Variants in DENND2B observed in about 807,000 individuals in gnomAD.
DENND2B encodes the protein DENN domain containing 2B.
In DENND2B, 32 loss-of-function variants were observed where a neutral mutation model predicts 116.0. That is an observed-to-expected ratio of 0.28 (90% CI 0.21 to 0.37). The LOEUF (loss-of-function observed/expected upper bound fraction) is 0.37. Ranked by LOEUF, DENND2B falls within the 10% of genes least tolerant of loss-of-function variation. The probability of loss-of-function intolerance (pLI) is 1.00; values close to 1 mark genes in which losing one functional copy is unlikely to be tolerated. For synonymous variants in DENND2B, 588 were observed against 583.9 expected (o/e 1.01, Z -0.10); for missense variants, 1,276 against 1,477.7 (o/e 0.86, Z 2.24).
chr11:8,750,755 G>C, intron 1 of DENND2B, 30 bp from the exon 2 acceptor site: 1 of 1,607,198 alleles, frequency 6.2e-7, no homozygotes, highest in Non-Finnish European at 8.5e-7. Context: ...GGTAAGCCAA[G>C]TTTCTATAGG....
At chr11:8,831,015 G>T (rs968899012) in intron 4 of DENND2B, 3 of 152,266 alleles carry the variant, frequency 2.0e-5, no homozygotes, top group African/African-American at 7.2e-5. Flanking sequence ...CTGTTCTCAA[G>T]CCCCCAAAGA....
In DENND2B at chr11:8,888,725, CA is replaced by C. The variant is rs1256867805; in HGVS notation, c.-255-7617del. Among the ~76,000 whole-genome samples the C allele has an allele frequency of 1.8e-4, 28 of 152,070 alleles. No individual in the cohort carries two copies. The East Asian group carries it at 5.0e-3, about 27-fold the overall frequency. On this transcript the variant is annotated intron_variant, in intron 1 of 22. Transcript: ENST00000534127. ...GTAGAGAACTCCTAAAACTCGACAA[CA>C]AAAAACAACATAATTCGAAAATGGG... is the stretch of plus-strand genomic sequence containing the variant.
chr11:8,827,122 G>C (rs2062008952), intron 4 of DENND2B, among the ~76,000 whole-genome samples: 2 of 152,220 alleles, frequency 1.3e-5, no homozygotes, highest in South Asian at 4.1e-4. Context: ...TTAGCCTTTT[G>C]AATTTGCAGG....
Position 8,712,020 on chromosome 11 carries a change from C to T in DENND2B, c.2172+531G>A. ...AAGGAGCCAGCAGCCACGTGAAGAG[C>T]TGGAGAAAGCACATTCCTGGCAGAG... On this transcript the variant is annotated intron_variant, in intron 9 of 19. Transcript: ENST00000313726. The surrounding 1 kb of genome is among the most constrained non-coding windows in gnomAD (Gnocchi z 4.4). 2.2e-6 allele frequency: 1 copy of T among 455,562 alleles called. No homozygotes were observed. The highest frequency in any genetic ancestry group is 1.6e-5 in the South Asian group (1 of 64,496). 28.2% of individuals were successfully genotyped at this position (455,562 alleles called of 1,614,324 possible). A position where few individuals can be genotyped will look rare whatever the true frequency, so the allele number is the denominator to read the frequency against.
At chr11:8,908,519 G>T (rs1182015882) in intron 1 of DENND2B, among the ~76,000 whole-genome samples, 1 of 152,190 alleles carries the variant, frequency 6.6e-6, no homozygotes, top group Non-Finnish European at 1.5e-5. Flanking sequence ...ATAACCCTAT[G>T]AGGAATGTGC....
At position 8,711,229 on chromosome 11, in the gene DENND2B, C is replaced by G. The variant is rs2043607374; in HGVS notation, c.2175G>C (p.Leu725=). The change falls in exon 10 of 20, where the codon CTG becomes CTC. Residue 725 remains leucine, a splice_region_variant and synonymous_variant. Transcript: ENST00000313726. Reference sequence around the variant, plus strand: ...CTCGCATCTGCTTGGTGGGTCGGTCCAGCTGCAGGGAAGAAGGAACCAGGA... The same window carrying G: ...CTCGCATCTGCTTGGTGGGTCGGTCGAGCTGCAGGGAAGAAGGAACCAGGA... ...LPEVSYQFPK[L]DRPTKQMREA... 6.2e-7 allele frequency: 1 copy of G among 1,613,522 alleles called. No homozygotes were observed. The highest frequency in any genetic ancestry group is 1.1e-5 in the South Asian group (1 of 91,082).
Position 8,743,194 on chromosome 11 carries a change from T to G in DENND2B, c.80+7427A>C, listed in dbSNP as rs980602385. Among the ~76,000 whole-genome samples the G allele has an allele frequency of 2.6e-5, 4 of 152,182 alleles. No individual in the cohort carries two copies. The East Asian group carries it at 5.8e-4, about 22-fold the overall frequency. On this transcript the variant is annotated intron_variant, in intron 2 of 19. Transcript: ENST00000313726. ...AATTATATAATTTATTGTACTTTAATTGTCCCTCAATAAATCTGTTTAAAA... is the reference window on the plus strand; with the variant it reads ...AATTATATAATTTATTGTACTTTAAGTGTCCCTCAATAAATCTGTTTAAAA...
At chr11:8,901,982 G>A (rs994239288) in intron 1 of DENND2B, among the ~76,000 whole-genome samples, 4 of 152,100 alleles carry the variant, frequency 2.6e-5, no homozygotes, top group Admixed American at 6.6e-5. Context: ...TGACAGTATC[G>A]TTTAGCCTTC....
intron 3 of DENND2B, 60 bp from the exon 4 acceptor site, chr11:8,726,269 G>C: frequency 6.4e-7 from 1 of 1,550,964 alleles, no homozygotes; most frequent in Middle Eastern, 1.8e-4. Context: ...GCCTTGCTGG[G>C]GAATGTCCAT....
At chr11:8,699,955 A>T (rs2041215703) in intron 14 of DENND2B, 1 of 456,222 alleles carries the variant, frequency 2.2e-6, no homozygotes, top group African/African-American at 2.0e-5. Flanking sequence ...GGCCAGGCCA[A>T]GAACAAGACC....
At chr11:8,866,061 G>A (rs1019483730) in intron 2 of DENND2B, among the ~76,000 whole-genome samples, 3 of 152,094 alleles carry the variant, frequency 2.0e-5, no homozygotes, top group South Asian at 2.1e-4. Context: ...CCGGGTTCAC[G>A]CCATTCTCCT....
At chr11:8,754,029 G>GCGCACACACGCACACACACACA (rs146486674) in intron 1 of DENND2B, among the ~76,000 whole-genome samples, 2 of 138,734 alleles carry the variant, frequency 1.4e-5, no homozygotes, top group African/African-American at 2.7e-5. Context: ...CCAAAAGCGC[G>GCGCACACACGCACACACACACA]CACACACACA....
intron 4 of DENND2B, chr11:8,718,470 T>C: frequency 6.7e-7 from 1 of 1,494,316 alleles, no homozygotes; most frequent in Non-Finnish European, 8.9e-7. Context: ...GGGTTTTGTG[T>C]TGTTCACTGA....
At chr11:8,888,820 T>C (rs2063991451) in intron 1 of DENND2B, among the ~76,000 whole-genome samples, 2 of 152,124 alleles carry the variant, frequency 1.3e-5, no homozygotes, top group South Asian at 4.1e-4. Context: ...GAAAAGATGC[T>C]CAACATCACT....
At chr11:8,872,120 C>G (rs919852532), upstream of DENND2B, among the ~76,000 whole-genome samples, 1 of 152,302 alleles carries the variant, frequency 6.6e-6, no homozygotes, top group African/African-American at 2.4e-5. Flanking sequence ...AAAATCCAAG[C>G]CAGTTCAATT....
intron 1 of DENND2B, among the ~76,000 whole-genome samples, chr11:8,753,332 AAAT>A (rs1383621362): frequency 1.3e-5 from 2 of 152,248 alleles, no homozygotes; most frequent in African/African-American, 4.8e-5. Flanking sequence ...ATAGCAGCAA[AAAT>A]AATAAATCAC....
chr11:8,895,546 A>T (rs2064090872), intron 1 of DENND2B: 1 of 152,178 alleles, frequency 6.6e-6, no homozygotes, highest in Admixed American at 6.6e-5. Context: ...TAGTCAAAAT[A>T]ATAGAGACAG....
chr11:8,774,591 A>G (rs1258871142), intron 1 of DENND2B, among the ~76,000 whole-genome samples: 1 of 151,532 alleles, frequency 6.6e-6, no homozygotes, highest in Non-Finnish European at 1.5e-5. Flanking sequence ...CACCACCCCA[A>G]CTCCTGGCTG....
intron 1 of DENND2B, among the ~76,000 whole-genome samples, chr11:8,772,978 C>T (rs2057151904): frequency 6.6e-6 from 1 of 152,228 alleles, no homozygotes; most frequent in Non-Finnish European, 1.5e-5. Flanking sequence ...TCCCTCTTCT[C>T]ATTTCTGCCC....
Sources: allele counts gnomAD v4.1 joint callset (sites outside exome capture counted in the v4.1 genomes callset), GRCh38; gene constraint gnomAD v4.1.1; non-coding constraint Gnocchi (gnomAD v3.1); transcripts MANE v1.5; gene names NCBI Gene and HGNC (gene_info 2026-07-23, HGNC 2026-07-21).